Variants in JAZF1 observed in about 807,000 individuals in gnomAD.
JAZF1 encodes JAZF zinc finger 1.
In JAZF1, 8 loss-of-function variants were observed where a neutral mutation model predicts 26.4. The ratio of observed to expected loss-of-function variants is 0.30; its 90% CI spans 0.18 to 0.55. JAZF1 has a LOEUF of 0.55. JAZF1 is among the 20% of genes least tolerant of loss of function. The pLI is 0.94. For synonymous variants in JAZF1, 126 were observed against 122.3 expected (o/e 1.03, Z -0.20); for missense variants, 199 against 322.0 (o/e 0.62, Z 2.92).
At chr7:27,929,727 G>C (rs564294335) in intron 2 of JAZF1, among the ~76,000 whole-genome samples, 1 of 152,288 alleles carries the variant, frequency 6.6e-6, no homozygotes, top group East Asian at 1.9e-4. Flanking sequence ...TGATTAAGCT[G>C]TTGCAAAGCG....
intron 1 of JAZF1, among the ~76,000 whole-genome samples, chr7:28,121,738 A>G (rs1382051803): frequency 1.3e-5 from 2 of 152,258 alleles, no homozygotes; most frequent in Non-Finnish European, 2.9e-5. Context: ...AAAAAGTGAT[A>G]GCACTTAATT....
chr7:27,961,775 C>T (rs182304991), intron 2 of JAZF1, among the ~76,000 whole-genome samples: 104 of 152,286 alleles, frequency 6.8e-4, no homozygotes, highest in Middle Eastern at 3.4e-3. Context: ...GTAGGAGCTC[C>T]GGACAGAGCA....
At chr7:27,924,375 T>C (rs1784580435) in intron 2 of JAZF1, among the ~76,000 whole-genome samples, 1 of 152,170 alleles carries the variant, frequency 6.6e-6, no homozygotes, top group South Asian at 2.1e-4. Flanking sequence ...TGTGCCCAGC[T>C]CACAATCTTA....
intron 2 of JAZF1, among the ~76,000 whole-genome samples, chr7:27,942,442 C>G (rs1425557013): frequency 6.6e-6 from 1 of 152,228 alleles, no homozygotes; most frequent in Non-Finnish European, 1.5e-5. Flanking sequence ...TTGGTAATAG[C>G]AAATGGAGTA....
Position 27,832,697 on chromosome 7 carries a change from T to G in JAZF1, c.*103A>C. Reference sequence around the variant, plus strand: ...AAATTTAAAGCATGCATTTAATTCTTTTTCTTTAAAGGGTTGCTGAATGCT... The same window carrying G: ...AAATTTAAAGCATGCATTTAATTCTGTTTCTTTAAAGGGTTGCTGAATGCT... On this transcript the variant is annotated 3_prime_UTR_variant, in exon 5 of 5. Transcript: ENST00000283928. The G allele has an allele frequency of 1.0e-6, 1 of 967,298 alleles. No individual in the cohort carries two copies. Among genetic ancestry groups the G allele is most frequent in the South Asian group, 2.2e-5 (1 of 45,202 alleles). 59.9% of individuals were successfully genotyped at this position (967,298 alleles called of 1,614,324 possible). A position where few individuals can be genotyped will look rare whatever the true frequency, so the allele number is the denominator to read the frequency against.
At chr7:27,858,008 G>C (rs573891595) in intron 3 of JAZF1, among the ~76,000 whole-genome samples, 2 of 152,002 alleles carry the variant, frequency 1.3e-5, no homozygotes, top group African/African-American at 4.8e-5. Context: ...CCAATGTCTC[G>C]GCCCAAAATC....
At chr7:27,835,296 T>TA (rs1162444502) in intron 4 of JAZF1, among the ~76,000 whole-genome samples, 4 of 151,872 alleles carry the variant, frequency 2.6e-5, no homozygotes, top group East Asian at 3.9e-4. Flanking sequence ...CTAATTAGGC[T>TA]AAAAAAAAGA....
chr7:28,109,832 A>C (rs1784613585), intron 1 of JAZF1, among the ~76,000 whole-genome samples: 1 of 152,202 alleles, frequency 6.6e-6, no homozygotes, highest in Non-Finnish European at 1.5e-5. Context: ...AAGGCCAAAC[A>C]GGGCCAACAA....
chr7:27,867,998 A>G (rs2128337321), intron 3 of JAZF1, among the ~76,000 whole-genome samples: 1 of 152,284 alleles, frequency 6.6e-6, no homozygotes, highest in Non-Finnish European at 1.5e-5. Flanking sequence ...CCTGGGTTCC[A>G]TGTTGGTTTC....
At chr7:27,884,392 G>A (rs777977371) in intron 3 of JAZF1, among the ~76,000 whole-genome samples, 1 of 152,198 alleles carries the variant, frequency 6.6e-6, no homozygotes, top group Admixed American at 6.5e-5. Flanking sequence ...AGCCTCCCGT[G>A]CTGGGATAAC....
intron 1 of JAZF1, among the ~76,000 whole-genome samples, chr7:28,109,348 C>T (rs1390614726): frequency 1.3e-5 from 2 of 152,126 alleles, no homozygotes; most frequent in Non-Finnish European, 2.9e-5. Context: ...TTTAATTCAT[C>T]AGTGATACCT....
At chr7:28,114,852 G>A (rs1784717537) in intron 1 of JAZF1, among the ~76,000 whole-genome samples, 1 of 151,894 alleles carries the variant, frequency 6.6e-6, no homozygotes, top group Non-Finnish European at 1.5e-5. Context: ...GGGGCTTATA[G>A]ATGAGTAGGA....
At chr7:27,951,597 T>C (rs1785009109) in intron 2 of JAZF1, among the ~76,000 whole-genome samples, 1 of 152,208 alleles carries the variant, frequency 6.6e-6, no homozygotes, top group South Asian at 2.1e-4. Context: ...TCAGCAAACA[T>C]TCAGGATCCT....
At chr7:27,836,524 C>T (rs766389276) in intron 4 of JAZF1, among the ~76,000 whole-genome samples, 3 of 152,176 alleles carry the variant, frequency 2.0e-5, no homozygotes, top group Admixed American at 6.5e-5. Flanking sequence ...CAACATGTGA[C>T]GCTTGCCCTA....
At chr7:27,953,981 T>C (rs1306798093) in intron 2 of JAZF1, among the ~76,000 whole-genome samples, 4 of 152,178 alleles carry the variant, frequency 2.6e-5, no homozygotes, top group African/African-American at 9.6e-5. Flanking sequence ...CATGACCCAC[T>C]GGGCTTCCAA....
intron 1 of JAZF1, among the ~76,000 whole-genome samples, chr7:28,092,848 G>A (rs1456808383): frequency 1.3e-5 from 2 of 150,632 alleles, no homozygotes; most frequent in African/African-American, 2.5e-5. Context: ...GCAGTAGAGT[G>A]AGGCCCTGTT....
chr7:27,832,740 G>T lies in JAZF1; in HGVS notation c.*60C>A. 1.5e-6 allele frequency: 2 copies of T among 1,326,450 alleles called. No individual in the cohort carries two copies. The highest frequency in any genetic ancestry group is 1.5e-5 in the African/African-American group (1 of 67,698). The allele number at this position is 1,326,450 out of a possible 1,614,324, so 82.2% of individuals were successfully genotyped here. A position where few individuals can be genotyped will look rare whatever the true frequency, so the allele number is the denominator to read the frequency against. ...TGAATGCTTCCCCTGAAAAAAGGTG[G>T]CTGTTTTCAAAATCAGCAACTGCTG... On this transcript the variant is annotated 3_prime_UTR_variant, in exon 5 of 5. Coordinates refer to ENST00000283928, the MANE Select transcript of JAZF1 (RefSeq NM_175061.4).
intron 1 of JAZF1, chr7:27,992,203 A>G: frequency 4.9e-6 from 3 of 614,740 alleles, no homozygotes; most frequent in Non-Finnish European, 9.4e-6. Context: ...AACAGTGATA[A>G]AATGTCCATC....
chr7:28,032,969 G>C (rs956042075), intron 1 of JAZF1, among the ~76,000 whole-genome samples: 1 of 152,080 alleles, frequency 6.6e-6, no homozygotes, highest in African/African-American at 2.4e-5. Flanking sequence ...CAACACAAAC[G>C]TGTGTGCCCA....
Sources: gnomAD v4.1 joint callset for allele counts (sites outside exome capture counted in the v4.1 genomes callset) on GRCh38, gnomAD v4.1.1 for gene constraint, MANE v1.5 for transcripts, NCBI Gene and HGNC (gene_info 2026-07-23, HGNC 2026-07-21) for gene names.